Variants in SLC9A3 observed in about 807,000 individuals in gnomAD.
SLC9A3 encodes the protein solute carrier family 9 member A3.
In SLC9A3, 37 loss-of-function variants were observed where a neutral mutation model predicts 86.8. The observed-to-expected ratio is 0.43, with a 90% confidence interval of 0.33 to 0.56. SLC9A3 has a LOEUF of 0.56. Ranked by LOEUF, SLC9A3 falls within the 20% of genes least tolerant of loss-of-function variation. The pLI is 0.06. For missense variants in SLC9A3, 1,011 were observed against 1,171.9 expected (o/e 0.86, Z 2.00); for synonymous variants, 581 against 528.3 (o/e 1.10, Z -1.37).
chr5:517,801 C>T (rs967560632), intron 1 of SLC9A3, among the ~76,000 whole-genome samples: 2 of 133,662 alleles, frequency 1.5e-5, no homozygotes, highest in African/African-American at 5.2e-5. Flanking sequence ...CGAAACCATC[C>T]ATCCATCCAA....
In SLC9A3 at chr5:472,167, A is replaced by G. The variant is rs1190812546; in HGVS notation, c.*1212T>C. On this transcript the variant is annotated 3_prime_UTR_variant, in exon 17 of 17. Transcript: ENST00000264938. ...AGCACCCGCGGCCTCCGCCCACTCAATGGACTGTGCCTCCCAGAGCTTGGG... is the reference window on the plus strand; with the variant it reads ...AGCACCCGCGGCCTCCGCCCACTCAGTGGACTGTGCCTCCCAGAGCTTGGG... The G allele has an allele frequency of 1.0e-4, 38 of 374,780 alleles. No homozygotes were observed. The highest frequency in any genetic ancestry group is 1.4e-4 in the Non-Finnish European group (27 of 190,334). 23.2% of individuals were successfully genotyped at this position (374,780 alleles called of 1,614,324 possible).
chr5:488,186 G>A (rs1434240031), intron 3 of SLC9A3, 130 bp downstream of exon 3: 2 of 985,630 alleles, frequency 2.0e-6, no homozygotes, highest in African/African-American at 1.6e-5. Context: ...TGGAGGGACG[G>A]GACGCCCCCG....
At chr5:522,530 C>T (rs1292916634) in intron 1 of SLC9A3, among the ~76,000 whole-genome samples, 1 of 152,122 alleles carries the variant, frequency 6.6e-6, no homozygotes, top group Admixed American at 6.5e-5. Flanking sequence ...GAGGCCGAGG[C>T]GGGTGGATCA....
intron 3 of SLC9A3, among the ~76,000 whole-genome samples, chr5:487,952 G>A (rs1000011746): frequency 7.2e-5 from 11 of 152,186 alleles, no homozygotes; most frequent in Non-Finnish European, 1.6e-4. Context: ...ACAGGCGTGA[G>A]CCACCGCACC....
chr5:491,761 A>T lies in SLC9A3; in HGVS notation c.514+8T>A, dbSNP rs763964518. On this transcript the variant is annotated splice_region_variant and intron_variant, in intron 2 of 16. Transcript: ENST00000264938. This position sits in a 1 kb window ranked among gnomAD's most constrained non-coding sequence, Gnocchi z 9.2. ...ATCCCGGCCGGGGCAACAGTGGCGC[A>T]GACTCACCCATGAGCCCACTGAGGA... is the stretch of plus-strand genomic sequence containing the variant. The T allele has an allele frequency of 3.4e-5, 51 of 1,519,710 alleles. No individual in the cohort carries two copies. In the South Asian group the frequency reaches 4.6e-4, roughly 14 times the overall value. 94.1% of individuals were successfully genotyped at this position (1,519,710 alleles called of 1,614,324 possible).
At position 479,879 on chromosome 5, in the gene SLC9A3, A is replaced by G; in HGVS notation, c.1604T>C (p.Phe535Ser). ...GGCATCCTTCAGGTTCAGCTCGTGG[A>G]AGACATTCAGGATCCGGTCTCGAGA... is the stretch of plus-strand genomic sequence containing the variant. ...QKSRDRILNV[F>S]HELNLKDAIS... The change falls in exon 10 of 17, where the codon TTC (phenylalanine) becomes TCC (serine). Residue 535 changes from phenylalanine to serine, a missense_variant. Physicochemically the swap from Phe to Ser is radical, Grantham distance 155. Transcript: ENST00000264938. The G allele has an allele frequency of 6.2e-7, 1 of 1,613,934 alleles. No homozygotes were observed. Among genetic ancestry groups the G allele is most frequent in the Non-Finnish European group, 8.5e-7 (1 of 1,179,996 alleles).
rs1414888814 is a variant in SLC9A3 at position 491,236 on chromosome 5, C to T, written c.514+533G>A. ...GCAGCGGCGGGCATCAGGGCTGCAC[C>T]GCACCTGGCATGTTGAGAGGCGCCA... On this transcript the variant is annotated intron_variant, in intron 2 of 16. Transcript: ENST00000264938. This position sits in a 1 kb window ranked among gnomAD's most constrained non-coding sequence, Gnocchi z 9.2. 2.0e-5 allele frequency among the ~76,000 whole-genome samples: 3 copies of T among 152,192 alleles called. No individual in the cohort carries two copies. Among genetic ancestry groups the T allele is most frequent in the East Asian group, 1.9e-4 (1 of 5,188 alleles).
At chr5:523,830 A>G (rs1733954918) in intron 1 of SLC9A3, among the ~76,000 whole-genome samples, 1 of 152,116 alleles carries the variant, frequency 6.6e-6, no homozygotes, top group Non-Finnish European at 1.5e-5. Context: ...CGGGGCTCGG[A>G]GCGGAGGCGG....
At chr5:487,964 G>A (rs1304716860) in intron 3 of SLC9A3, among the ~76,000 whole-genome samples, 5 of 152,200 alleles carry the variant, frequency 3.3e-5, no homozygotes, top group South Asian at 2.1e-4. Flanking sequence ...CACCGCACCC[G>A]GCCACTCATG....
At chr5:486,736 C>A (rs962236544) in intron 3 of SLC9A3, among the ~76,000 whole-genome samples, 1 of 152,200 alleles carries the variant, frequency 6.6e-6, no homozygotes, top group Non-Finnish European at 1.5e-5. Flanking sequence ...CAATAGGACC[C>A]GTGTCCCTGT....
intron 1 of SLC9A3, among the ~76,000 whole-genome samples, chr5:504,683 C>T (rs1427811210): frequency 1.3e-5 from 2 of 152,204 alleles, no homozygotes; most frequent in Admixed American, 1.3e-4. Context: ...GGGCCATGGG[C>T]ACCGGGACCT....
chr5:478,924 TTGGCA>T (rs1217156066), intron 10 of SLC9A3: 5 of 141,316 alleles, frequency 3.5e-5, no homozygotes, highest in African/African-American at 1.2e-4. Flanking sequence ...GCCTTGCCAC[TTGGCA>T]TGGCCCCAGT....
chr5:478,463 GCGCA>G (rs1055226644), intron 10 of SLC9A3: 1 of 37,832 alleles, frequency 2.6e-5, no homozygotes, highest in South Asian at 8.0e-4. Context: ...GGGTGGGGGG[GCGCA>G]GGGAGAGAAA....
chr5:524,112 C>A lies in SLC9A3; in HGVS notation c.211G>T (p.Gly71Trp), dbSNP rs1560981289. ...ATCCGGAGACCCCGGGGCCACTTAC[C>A]GATCTTGGCCAAGCTGGCCACGAGG... ...WILVASLAKIGFHLSHKVTSV... is the reference protein window; with the variant it reads ...WILVASLAKIWFHLSHKVTSV... Residue 71 changes from glycine to tryptophan, a missense_variant and splice_region_variant, in exon 1 of 17, where the codon GGG (glycine) becomes TGG (tryptophan). Gly to Trp is a radical substitution (Grantham distance 184, BLOSUM62 -2). This residue lies in a region of SLC9A3 where 565 missense variants were observed against 790.0 expected (regional missense o/e 0.72). Coordinates refer to ENST00000264938, the MANE Select transcript of SLC9A3 (RefSeq NM_004174.4). The A allele has an allele frequency of 2.0e-6, 3 of 1,504,572 alleles. No individual in the cohort carries two copies. The highest frequency in any genetic ancestry group is 4.4e-5 in the Admixed American group (2 of 45,976). The allele number at this position is 1,504,572 out of a possible 1,614,324, so 93.2% of individuals were successfully genotyped here.
At chr5:488,204 A>C in intron 3 of SLC9A3, 112 bp downstream of exon 3, 8 of 1,192,942 alleles carry the variant, frequency 6.7e-6, no homozygotes, top group Non-Finnish European at 9.6e-6. Context: ...CCGGGAGGGG[A>C]GTTTGAGGAC....
Position 477,356 on chromosome 5 carries a change from A to G in SLC9A3, c.1736T>C (p.Val579Ala), listed in dbSNP as rs769146420. 1.2e-5 allele frequency: 19 copies of G among 1,611,830 alleles called. No individual in the cohort carries two copies. The highest frequency in any genetic ancestry group is 1.6e-5 in the Non-Finnish European group (19 of 1,178,918). Residue 579 changes from valine to alanine, a missense_variant, in exon 11 of 17, where the codon GTG becomes GCG. Physicochemically the swap from Val to Ala is moderately conservative, Grantham distance 64. Coordinates refer to ENST00000264938, the MANE Select transcript of SLC9A3 (RefSeq NM_004174.4). ...CAGGAGGTAGGAGACAGAGGCCTCC[A>G]CGGTGGACGATCGTGGCGTGAAGTC... ...NVDFTPRSSTVEASVSYLLRE... is the reference protein window; with the variant it reads ...NVDFTPRSSTAEASVSYLLRE...
intron 11 of SLC9A3, 46 bp downstream of exon 11, chr5:477,286 A>T: frequency 7.2e-7 from 1 of 1,381,996 alleles, no homozygotes; most frequent in Non-Finnish European, 1.0e-6. Flanking sequence ...TCAGCTCCCG[A>T]GGCTGGGCTC....
rs1161390813 is a variant in SLC9A3 at position 471,844 on chromosome 5, G to GCTAT, written c.*1531_*1534dup. ...CTTCCCTTTTTCACAACAGTAAAAA[G>GCTAT]CTATCAATGGGAAATTGTGGACTTT... On this transcript the variant is annotated 3_prime_UTR_variant, in exon 17 of 17. Coordinates refer to ENST00000264938, the MANE Select transcript of SLC9A3 (RefSeq NM_004174.4). 2.2e-6 allele frequency: 1 copy of GCTAT among 456,636 alleles called. No individual in the cohort carries two copies. The highest frequency in any genetic ancestry group is 1.5e-5 in the South Asian group (1 of 64,572). 28.3% of individuals were successfully genotyped at this position (456,636 alleles called of 1,614,324 possible).
chr5:522,488 G>A (rs908965049), intron 1 of SLC9A3, among the ~76,000 whole-genome samples: 7 of 152,298 alleles, frequency 4.6e-5, no homozygotes, highest in Middle Eastern at 3.4e-3. Context: ...GGCCGGGCGC[G>A]GTGGCTCACG....
Sources: gnomAD v4.1 joint callset for allele counts (sites outside exome capture counted in the v4.1 genomes callset) on GRCh38, gnomAD v4.1.1 for gene constraint, gnomAD v4.1.1 regional missense constraint, Gnocchi (gnomAD v3.1) non-coding constraint, MANE v1.5 for transcripts, NCBI Gene and HGNC (gene_info 2026-07-23, HGNC 2026-07-21) for gene names.